SGCZ: variants seen among roughly 807,000 people sequenced by gnomAD.
The protein encoded by SGCZ is zeta-sarcoglycan.
A neutral mutation model predicts 41.3 loss-of-function variants in SGCZ; 40 were observed. That is an observed-to-expected ratio of 0.97 (90% CI 0.75 to 1.26). The LOEUF is 1.26. Ranked by LOEUF, SGCZ falls within the 50% of genes most tolerant of loss-of-function variation. The pLI, the probability that SGCZ is intolerant of heterozygous loss-of-function variation, is 0.00. For missense variants in SGCZ, 552 were observed against 369.8 expected (o/e 1.49, Z -4.04); for synonymous variants, 206 against 137.5 (o/e 1.50, Z -3.49).
At position 14,125,289 on chromosome 8, in the gene SGCZ, G is replaced by T. The variant is rs554535339; in HGVS notation, c.548-17054C>A. Among the ~76,000 whole-genome samples, 17 of 152,154 alleles carry T rather than the reference G, an allele frequency of 1.1e-4. No homozygotes were observed. In the South Asian group the frequency reaches 3.5e-3, roughly 32 times the overall value. ...AAGGTCGAGGTGGGTGGTTCACAAG[G>T]TCAGGAGATCAAGACCATCCTGGCT... is the stretch of plus-strand genomic sequence containing the variant. On this transcript the variant is annotated intron_variant, in intron 5 of 7. Transcript: ENST00000382080.
Position 15,004,539 on chromosome 8 carries a change from C to T in SGCZ, c.39+233046G>A, listed in dbSNP as rs995216934. Among the ~76,000 whole-genome samples the T allele has an allele frequency of 2.7e-4, 41 of 152,162 alleles. 1 individual carries two copies. Among genetic ancestry groups the T allele is most frequent in the Non-Finnish European group, 5.4e-4 (37 of 68,022 alleles). Reference sequence around the variant, plus strand: ...AATCTGACATCATAAAAACCCAATGCAGAACTCCTGGGTTGCAGTGTCTCA... The same window carrying T: ...AATCTGACATCATAAAAACCCAATGTAGAACTCCTGGGTTGCAGTGTCTCA... On this transcript the variant is annotated intron_variant, in intron 1 of 7. Transcript: ENST00000382080.
At chr8:14,355,367 C>G (rs1175928524) in intron 2 of SGCZ, among the ~76,000 whole-genome samples, 3 of 152,058 alleles carry the variant, frequency 2.0e-5, no homozygotes, top group Non-Finnish European at 4.4e-5. Context: ...ACAGTAGTAG[C>G]TAGATTGATT....
At chr8:14,261,641 C>T (rs959478149) in intron 3 of SGCZ, among the ~76,000 whole-genome samples, 68 of 152,188 alleles carry the variant, frequency 4.5e-4, no homozygotes, top group African/African-American at 1.5e-3. Flanking sequence ...ATTTACTTGT[C>T]AATAATTTGA....
chr8:14,714,023 A>G lies in SGCZ; in HGVS notation c.40-159097T>C, dbSNP rs112593591. On this transcript the variant is annotated intron_variant, in intron 1 of 7. Coordinates refer to ENST00000382080, the MANE Select transcript of SGCZ (RefSeq NM_139167.4). ...TCACTCTGTACCCAGGCTGGAGTGC[A>G]ATGGTGCGATCTCAGCTCACTACAA... is the stretch of plus-strand genomic sequence containing the variant. Among the ~76,000 whole-genome samples the G allele has an allele frequency of 1.3e-3, 204 of 152,192 alleles. 1 individual carries two copies. Among genetic ancestry groups the G allele is most frequent in the African/African-American group, 4.6e-3 (193 of 41,524 alleles).
chr8:14,469,390 C>A lies in SGCZ; in HGVS notation c.234+85342G>T, dbSNP rs560670643. Among the ~76,000 whole-genome samples the A allele has an allele frequency of 3.9e-5, 6 of 152,210 alleles. No homozygotes were observed. The East Asian group carries it at 1.2e-3, about 29-fold the overall frequency. ...GTCTACTTGTTGTCTCAAATCCAAT[C>A]CCTCTCACATATGCATGGAACATAC... On this transcript the variant is annotated intron_variant, in intron 2 of 7. Transcript: ENST00000382080.
chr8:15,155,577 C>T lies in SGCZ; in HGVS notation c.39+82008G>A, dbSNP rs193225065. Reference sequence around the variant, plus strand: ...AACCAGCCAACTGGAAACGTCATAACTGAGCCACAAGTTTGGTGTGCAAAA... The same window carrying T: ...AACCAGCCAACTGGAAACGTCATAATTGAGCCACAAGTTTGGTGTGCAAAA... On this transcript the variant is annotated intron_variant, in intron 1 of 7. Coordinates refer to ENST00000382080, the MANE Select transcript of SGCZ (RefSeq NM_139167.4). Among the ~76,000 whole-genome samples, 59 of 152,244 alleles carry T rather than the reference C, an allele frequency of 3.9e-4. No homozygotes were observed. The Middle Eastern group carries it at 0.01, about 26-fold the overall frequency.
At chr8:14,259,134 T>G (rs886577842) in intron 3 of SGCZ, among the ~76,000 whole-genome samples, 5 of 152,208 alleles carry the variant, frequency 3.3e-5, no homozygotes, top group African/African-American at 1.2e-4. Flanking sequence ...ATACTATATT[T>G]TGTAAGGCAA....
chr8:14,733,216 G>C (rs991414017), intron 1 of SGCZ, among the ~76,000 whole-genome samples: 10 of 152,152 alleles, frequency 6.6e-5, no homozygotes, highest in African/African-American at 2.4e-4. Context: ...CAGGTATCTA[G>C]GGACAATCTA....
chr8:14,114,071 A>G (rs1257762173), intron 5 of SGCZ, among the ~76,000 whole-genome samples: 3 of 152,024 alleles, frequency 2.0e-5, no homozygotes, highest in African/African-American at 7.2e-5. Flanking sequence ...TTGCATTGCA[A>G]TTTGCTTTAA....
intron 7 of SGCZ, among the ~76,000 whole-genome samples, chr8:14,093,753 C>G (rs1041923851): frequency 6.6e-6 from 1 of 152,014 alleles, no homozygotes; most frequent in African/African-American, 2.4e-5. Context: ...TGGATGCAAA[C>G]AAATTTGCTC....
chr8:14,862,210 T>C (rs557096793), intron 1 of SGCZ, among the ~76,000 whole-genome samples: 1 of 151,990 alleles, frequency 6.6e-6, no homozygotes, highest in African/African-American at 2.4e-5. Context: ...GCTTTCCTAT[T>C]ATTCAAATTG....
intron 1 of SGCZ, among the ~76,000 whole-genome samples, chr8:14,783,628 G>A (rs1030997163): frequency 1.3e-5 from 2 of 151,920 alleles, no homozygotes; most frequent in Non-Finnish European, 2.9e-5. Flanking sequence ...TTTCCTTTGT[G>A]AGCTAAAAGA....
intron 1 of SGCZ, among the ~76,000 whole-genome samples, chr8:15,080,728 T>C (rs1585542485): frequency 1.3e-5 from 2 of 152,004 alleles, no homozygotes; most frequent in East Asian, 1.9e-4. Flanking sequence ...GTAACTTGGA[T>C]TACAGGTGCC....
chr8:14,114,728 A>T (rs1425415120), intron 5 of SGCZ, among the ~76,000 whole-genome samples: 2 of 152,012 alleles, frequency 1.3e-5, no homozygotes, highest in African/African-American at 2.4e-5. Context: ...GTTGTTTGTT[A>T]CTAATGAAAT....
chr8:14,495,172 G>A (rs572370979), intron 2 of SGCZ, among the ~76,000 whole-genome samples: 1 of 152,138 alleles, frequency 6.6e-6, no homozygotes, highest in East Asian at 1.9e-4. Flanking sequence ...AGAGGAATAA[G>A]AGTTCCTGCT....
intron 1 of SGCZ, among the ~76,000 whole-genome samples, chr8:14,848,510 T>C (rs555134275): frequency 1.3e-5 from 2 of 152,182 alleles, no homozygotes; most frequent in Non-Finnish European, 2.9e-5. Flanking sequence ...AATAGACATA[T>C]TGATCAATAG....
intron 3 of SGCZ, among the ~76,000 whole-genome samples, chr8:14,308,465 T>C (rs573659029): frequency 3.5e-4 from 54 of 152,140 alleles, no homozygotes; most frequent in East Asian, 9.7e-4. Context: ...CCGAGAGATA[T>C]TGGTCAAAGG....
intron 1 of SGCZ, among the ~76,000 whole-genome samples, chr8:14,803,603 T>C (rs1801409267): frequency 6.6e-6 from 1 of 152,074 alleles, no homozygotes; most frequent in Non-Finnish European, 1.5e-5. Context: ...CCCTGATTGC[T>C]AGCACAGCAG....
chr8:15,153,542 G>A (rs949214704), intron 1 of SGCZ, among the ~76,000 whole-genome samples: 6 of 152,184 alleles, frequency 3.9e-5, no homozygotes, highest in East Asian at 1.9e-4. Context: ...AGGTGGGGCC[G>A]GGTAGAAGGT....
Sources: gnomAD v4.1 joint callset for allele counts (sites outside exome capture counted in the v4.1 genomes callset) on GRCh38, gnomAD v4.1.1 for gene constraint, MANE v1.5 for transcripts, NCBI Gene and HGNC (gene_info 2026-07-23, HGNC 2026-07-21) for gene names.